Variants in GLE1 observed in about 807,000 individuals in gnomAD.
GLE1 encodes the protein mRNA export factor GLE1.
In GLE1, 78 loss-of-function variants were observed where a neutral mutation model predicts 97.3. That is an observed-to-expected ratio of 0.80 (90% CI 0.67 to 0.97). GLE1 has a LOEUF of 0.97. Among genes scored for constraint, GLE1 ranks in the 50% least tolerant of loss-of-function variants. GLE1 has a pLI of 0.00. For missense variants in GLE1, 753 were observed against 857.5 expected, an observed-to-expected ratio of 0.88 and a Z score of 1.52; for synonymous variants, 302 against 313.4, an observed-to-expected ratio of 0.96 and a Z score of 0.39.
intron 4 of GLE1, 25 bp downstream of exon 4, chr9:128,522,841 G>C (rs1457813940): frequency 6.2e-7 from 1 of 1,612,756 alleles, no homozygotes; most frequent in Non-Finnish European, 8.5e-7. Context: ...ATTATGACTG[G>C]GAATGTTGAT....
intron 1 of GLE1, among the ~76,000 whole-genome samples, chr9:128,505,547 A>G (rs1044316241): frequency 1.3e-5 from 2 of 152,148 alleles, no homozygotes; most frequent in African/African-American, 4.8e-5. Flanking sequence ...TACAGACCTT[A>G]CATTCTGTAG....
Position 128,533,632 on chromosome 9 carries a change from T to C in GLE1, c.1432T>C (p.Tyr478His). ...CCCACAGGGGCTGGACTTTGTTCAA[T>C]ACAAACTGGCAGAGAAATTTGTGGT... ...LNPQGLDFVQ[Y>H]KLAEKFVKQG... The change falls in exon 10 of 16, where the codon TAC becomes CAC. Residue 478 changes from tyrosine to histidine, a missense_variant. Physicochemically the swap from Tyr to His is moderately conservative, Grantham distance 83. Transcript: ENST00000309971. 1 of 1,614,178 alleles carries C rather than the reference T, an allele frequency of 6.2e-7. No individual in the cohort carries two copies. The highest frequency in any genetic ancestry group is 1.1e-5 in the South Asian group (1 of 91,084).
At chr9:128,538,327 T>C (rs1014660532) in intron 13 of GLE1, among the ~76,000 whole-genome samples, 15 of 152,178 alleles carry the variant, frequency 9.9e-5, no homozygotes, top group African/African-American at 3.4e-4. Context: ...AAATTGTACA[T>C]TCTAGCAAAA....
At chr9:128,527,987 TTTTTTTTC>T (rs1363057442) in intron 9 of GLE1, among the ~76,000 whole-genome samples, 10 of 144,616 alleles carry the variant, frequency 6.9e-5, no homozygotes, top group African/African-American at 2.6e-4. Context: ...GAAGACTCTT[TTTTTTTTC>T]TTTTTTTCTT....
chr9:128,541,101 G>A lies in GLE1; in HGVS notation c.2029-1G>A, dbSNP rs150626067. On this transcript the variant is annotated splice_acceptor_variant, in intron 15 of 15. Transcript: ENST00000309971. LOFTEE classifies it high-confidence loss of function. ...TGTTTTCTTCATCTTTCCCTGACCAGAAATGTTTGCAACACAAGGACATTC... is the reference window on the plus strand; with the variant it reads ...TGTTTTCTTCATCTTTCCCTGACCAAAAATGTTTGCAACACAAGGACATTC... 26 of 1,546,336 alleles carry A rather than the reference G, an allele frequency of 1.7e-5. No homozygotes were observed. The highest frequency in any genetic ancestry group is 2.1e-5 in the Non-Finnish European group (24 of 1,118,366).
At position 128,527,193 on chromosome 9, in the gene GLE1, G is replaced by A. The variant is rs768341900; in HGVS notation, c.1144G>A (p.Val382Ile). The A allele has an allele frequency of 6.3e-7, 1 of 1,595,932 alleles. No homozygotes were observed. Among genetic ancestry groups the A allele is most frequent in the Admixed American group, 1.7e-5 (1 of 59,996 alleles). The change falls in exon 8 of 16, where the codon GTA becomes ATA. Residue 382 changes from valine to isoleucine, a missense_variant. Transcript: ENST00000309971. The part of the protein sequence containing the change: ...GKQNEDLQVK[V>I]QDITMQWYQQ... ...TTATTTCTCAGACCTCCAGGTGAAG[G>A]TACAAGACATTACAATGCAGTGGTA...
At chr9:128,524,005 C>G (rs1206709408) in intron 6 of GLE1, among the ~76,000 whole-genome samples, 159 bp downstream of exon 6, 1 of 151,720 alleles carries the variant, frequency 6.6e-6, no homozygotes, top group African/African-American at 2.4e-5. Context: ...TAGAAGTAAC[C>G]ACTGTTAACA....
chr9:128,528,166 G>A (rs1411146740), intron 9 of GLE1, among the ~76,000 whole-genome samples: 4 of 150,120 alleles, frequency 2.7e-5, no homozygotes, highest in East Asian at 2.0e-4. Flanking sequence ...CACCATACCC[G>A]GCTAATTTTT....
chr9:128,522,365 A>C (rs1178816130), intron 3 of GLE1, among the ~76,000 whole-genome samples: 1 of 152,150 alleles, frequency 6.6e-6, no homozygotes, highest in Non-Finnish European at 1.5e-5. Flanking sequence ...AGCAGGTGTT[A>C]AACATTTTCG....
At chr9:128,531,481 G>A (rs950759392) in intron 9 of GLE1, among the ~76,000 whole-genome samples, 4 of 150,516 alleles carry the variant, frequency 2.7e-5, no homozygotes, top group East Asian at 1.9e-4. Flanking sequence ...AGCCAAGATC[G>A]TGCCATTGTA....
At chr9:128,510,841 T>C (rs1846795505) in intron 2 of GLE1, among the ~76,000 whole-genome samples, 1 of 151,440 alleles carries the variant, frequency 6.6e-6, no homozygotes, top group African/African-American at 2.4e-5. Context: ...TTTTTTTTTT[T>C]TTTTTCTTTT....
At chr9:128,522,437 A>C (rs978895619) in intron 3 of GLE1, among the ~76,000 whole-genome samples, 1 of 152,112 alleles carries the variant, frequency 6.6e-6, no homozygotes, top group African/African-American at 2.4e-5. Context: ...CAGGCGGATC[A>C]CAAGGTCAAG....
rs368050856 is a variant in GLE1, at chr9:128,532,686, T to C, written c.1313-827T>C. 102 of 975,344 alleles carry C rather than the reference T, an allele frequency of 1.0e-4. 4 individuals are homozygous for C. In the East Asian group the frequency reaches 2.1e-3, roughly 20 times the overall value. The allele number at this position is 975,344 out of a possible 1,614,324, so 60.4% of individuals were successfully genotyped here. On this transcript the variant is annotated intron_variant, in intron 9 of 15. Transcript: ENST00000309971. ...ATAGATTGCCGTTCTTTGGTCTTCA[T>C]GGCAGGTACGCAGCCCCCACTGCTT...
At position 128,533,870 on chromosome 9, in the gene GLE1, C is replaced by T. The variant is rs946745637; in HGVS notation, c.1565C>T (p.Ala522Val). The T allele has an allele frequency of 1.9e-6, 3 of 1,612,784 alleles. No homozygotes were observed. Among genetic ancestry groups the T allele is most frequent in the African/African-American group, 1.3e-5 (1 of 74,910 alleles). The change falls in exon 11 of 16, where the codon GCT becomes GTT. Residue 522 changes from alanine to valine, a missense_variant. Physicochemically the swap from Ala to Val is moderately conservative, Grantham distance 64 (BLOSUM62 0). Coordinates refer to ENST00000309971, the MANE Select transcript of GLE1 (RefSeq NM_001003722.2). ...CCCAGAGTGGGGGACCTCATTCTTG[C>T]TCATCTACATAAGAAGTGTCCTTAC... The part of the protein sequence containing the change: ...LHPRVGDLIL[A>V]HLHKKCPYSV...
At chr9:128,514,434 A>G (rs2132425796) in intron 2 of GLE1, among the ~76,000 whole-genome samples, 1 of 146,668 alleles carries the variant, frequency 6.8e-6, no homozygotes. Flanking sequence ...TGGGTGTAGG[A>G]GGATAGCAGA....
At chr9:128,536,166 G>A (rs1847702601) in intron 11 of GLE1, among the ~76,000 whole-genome samples, 189 bp from the exon 12 acceptor site, 1 of 152,036 alleles carries the variant, frequency 6.6e-6, no homozygotes, top group African/African-American at 2.4e-5. Context: ...CCAATTAGCT[G>A]GGACAAACAG....
chr9:128,537,950 A>G (rs779280423), intron 12 of GLE1, 36 bp from the exon 13 acceptor site: 2 of 1,202,046 alleles, frequency 1.7e-6, no homozygotes, highest in South Asian at 2.5e-5. Context: ...TCTAAACAAA[A>G]TGAGATCAAT....
At chr9:128,531,214 CAAAAA>C (rs34976261) in intron 9 of GLE1, among the ~76,000 whole-genome samples, 1 of 40,870 alleles carries the variant, frequency 2.4e-5, no homozygotes, top group Non-Finnish European at 5.0e-5. Flanking sequence ...AACTCCATCT[CAAAAA>C]AAAAAAAAAA....
intron 9 of GLE1, among the ~76,000 whole-genome samples, chr9:128,532,037 C>CTT (rs914370236): frequency 7.0e-6 from 1 of 141,974 alleles, no homozygotes; most frequent in Non-Finnish European, 1.6e-5. Flanking sequence ...ACATGGTTGG[C>CTT]TTTTTTTTTT....
Sources: gnomAD v4.1 joint callset for allele counts (sites outside exome capture counted in the v4.1 genomes callset) on GRCh38, gnomAD v4.1.1 for gene constraint, MANE v1.5 for transcripts, NCBI Gene and HGNC (gene_info 2026-07-23, HGNC 2026-07-21) for gene names.